Variants in SHISA9 observed in about 807,000 individuals in gnomAD.
SHISA9 encodes the protein protein shisa-9.
Under a neutral mutation model 38.0 loss-of-function variants are expected in SHISA9, and 13 were observed. That is an observed-to-expected ratio of 0.34 (90% CI 0.22 to 0.54). The LOEUF is 0.54. Ranked by LOEUF, SHISA9 falls within the 20% of genes least tolerant of loss-of-function variation. The pLI is 0.91. For missense variants in SHISA9, 538 were observed against 575.8 expected, an observed-to-expected ratio of 0.93 and a Z score of 0.67; for synonymous variants, 275 against 242.0, an observed-to-expected ratio of 1.14 and a Z score of -1.27.
the SHISA9 span, among the ~76,000 whole-genome samples, chr16:13,356,693 G>A: frequency 6.6e-6 from 1 of 152,130 alleles, no homozygotes; most frequent in Admixed American, 6.6e-5. Context: ...GACGCTTGGG[G>A]TTGGTTCTGA....
At chr16:13,035,386 C>T (rs2073043137) in intron 2 of SHISA9, among the ~76,000 whole-genome samples, 1 of 152,150 alleles carries the variant, frequency 6.6e-6, no homozygotes, top group Admixed American at 6.5e-5. Context: ...TATCAATCTT[C>T]CTACATCCCT....
the SHISA9 span, among the ~76,000 whole-genome samples, chr16:13,357,944 G>C: frequency 6.6e-6 from 1 of 152,096 alleles, no homozygotes; most frequent in African/African-American, 2.4e-5. Flanking sequence ...AGTTAAGGTG[G>C]GGCAGGGCAT....
intron 2 of SHISA9, among the ~76,000 whole-genome samples, chr16:13,090,354 C>A (rs1367702783): frequency 2.6e-5 from 4 of 152,108 alleles, no homozygotes; most frequent in African/African-American, 9.7e-5. Context: ...TCCTGGATAT[C>A]CTCGTTAACC....
chr16:13,158,727 C>T (rs1027179138), intron 2 of SHISA9, among the ~76,000 whole-genome samples: 1 of 151,976 alleles, frequency 6.6e-6, no homozygotes, highest in Admixed American at 6.6e-5. Flanking sequence ...ATGGGGAGCT[C>T]CCAAACATAG....
chr16:13,286,768 A>T, the SHISA9 span, among the ~76,000 whole-genome samples: 9 of 152,304 alleles, frequency 5.9e-5, no homozygotes, highest in East Asian at 1.5e-3. Flanking sequence ...TGAAGTTAGC[A>T]TAAGCCCAAA....
rs145978596 is a variant in SHISA9 at position 13,010,409 on chromosome 16, T to C, written c.691+93594T>C. 1.9e-4 allele frequency among the ~76,000 whole-genome samples: 29 copies of C among 152,332 alleles called. 1 individual carries two copies. Among genetic ancestry groups the C allele is most frequent in the African/African-American group, 6.5e-4 (27 of 41,582 alleles). ...ACAGTATCTTAGACTTAGAGAATCG[T>C]AGCTTCAGGATCATTACTGTCATAG... On this transcript the variant is annotated intron_variant, in intron 2 of 4. Transcript: ENST00000558583.
downstream of SHISA9, among the ~76,000 whole-genome samples, chr16:13,241,063 AAC>A (rs2051431453): frequency 1.3e-5 from 2 of 152,168 alleles, no homozygotes; most frequent in South Asian, 4.1e-4. Context: ...GACAGTGTTG[AAC>A]ACACACACAG....
the SHISA9 span, among the ~76,000 whole-genome samples, chr16:13,497,685 C>CA: frequency 0.35 from 36,969 of 105,648 alleles, 5,677 homozygotes; most frequent in East Asian, 0.45. Flanking sequence ...ACTCCGTCTC[C>CA]AAAAAAAAAA....
chr16:13,370,668 C>T, the SHISA9 span, among the ~76,000 whole-genome samples: 1 of 152,146 alleles, frequency 6.6e-6, no homozygotes, highest in Non-Finnish European at 1.5e-5. Flanking sequence ...AGTATTCCCA[C>T]TATGATCTTG....
At chr16:13,014,716 G>A (rs2072720746) in intron 2 of SHISA9, among the ~76,000 whole-genome samples, 1 of 152,204 alleles carries the variant, frequency 6.6e-6, no homozygotes, top group African/African-American at 2.4e-5. Context: ...TGGAATTCAG[G>A]ATGTTAACCT....
chr16:13,479,129 C>G, the SHISA9 span, among the ~76,000 whole-genome samples: 2 of 152,164 alleles, frequency 1.3e-5, no homozygotes, highest in African/African-American at 4.8e-5. Flanking sequence ...TATTCCTCGG[C>G]TTATGGTCCT....
intron 2 of SHISA9, among the ~76,000 whole-genome samples, chr16:13,086,854 T>A (rs934756885): frequency 6.6e-6 from 1 of 151,890 alleles, no homozygotes; most frequent in Non-Finnish European, 1.5e-5. Flanking sequence ...TGTTTTCTTT[T>A]TTATTATTAT....
At chr16:13,055,017 T>A (rs185111075) in intron 2 of SHISA9, among the ~76,000 whole-genome samples, 13 of 152,324 alleles carry the variant, frequency 8.5e-5, no homozygotes, top group African/African-American at 3.1e-4. Flanking sequence ...TGTCCTACAA[T>A]CACAAGCTGC....
chr16:13,173,511 C>T (rs1313730650), intron 2 of SHISA9, among the ~76,000 whole-genome samples: 3 of 152,040 alleles, frequency 2.0e-5, no homozygotes, highest in Admixed American at 6.6e-5. Flanking sequence ...TTTCTGCCCG[C>T]GTGGACCTAA....
the SHISA9 span, among the ~76,000 whole-genome samples, chr16:13,528,148 G>A: frequency 1.3e-3 from 197 of 152,160 alleles, 2 homozygotes; most frequent in African/African-American, 4.6e-3. Context: ...CTAGATCCCC[G>A]GGAACAAAGA....
chr16:13,063,100 G>A lies in SHISA9; in HGVS notation c.692-140294G>A, dbSNP rs1179577644. Among the ~76,000 whole-genome samples, 5 of 152,172 alleles carry A rather than the reference G, an allele frequency of 3.3e-5. No homozygotes were observed. The East Asian group carries it at 9.6e-4, about 29-fold the overall frequency. On this transcript the variant is annotated intron_variant, in intron 2 of 4. Transcript: ENST00000558583. ...CAGCTCACTGCAACCTCAGCCTCCC[G>A]GGATCAAGTGATTCTCCTGCCTCAG... is the stretch of plus-strand genomic sequence containing the variant.
chr16:13,376,095 GAAAAA>G, the SHISA9 span, among the ~76,000 whole-genome samples: 1 of 152,094 alleles, frequency 6.6e-6, no homozygotes, highest in Non-Finnish European at 1.5e-5. Context: ...GTGTTCCCTA[GAAAAA>G]AGAGAGAAAA....
At chr16:13,254,344 AG>A in the SHISA9 span, among the ~76,000 whole-genome samples, 2 of 152,184 alleles carry the variant, frequency 1.3e-5, no homozygotes, top group African/African-American at 2.4e-5. Context: ...TCACAGATTT[AG>A]GGGAGAGAGA....
At chr16:13,516,475 G>A in the SHISA9 span, among the ~76,000 whole-genome samples, 1 of 152,178 alleles carries the variant, frequency 6.6e-6, no homozygotes, top group Non-Finnish European at 1.5e-5. Flanking sequence ...AAGATGAACT[G>A]AAAAGGTATT....
Sources: allele counts gnomAD v4.1 joint callset (sites outside exome capture counted in the v4.1 genomes callset), GRCh38; gene constraint gnomAD v4.1.1; transcripts MANE v1.5; gene names NCBI Gene and HGNC (gene_info 2026-07-23, HGNC 2026-07-21).